TMCO6: variants seen among roughly 807,000 people sequenced by gnomAD.
The protein encoded by TMCO6 is transmembrane and coiled-coil domains 6.
In TMCO6, 47 loss-of-function variants were observed where a neutral mutation model predicts 61.8. That is an observed-to-expected ratio of 0.76 (90% CI 0.60 to 0.97). TMCO6 has a LOEUF of 0.97. Ranked by LOEUF, TMCO6 falls within the 50% of genes least tolerant of loss-of-function variation. The pLI, the probability that TMCO6 is intolerant of heterozygous loss-of-function variation, is 0.00. For synonymous variants in TMCO6, 261 were observed against 254.2 expected (o/e 1.03, Z -0.25); for missense variants, 557 against 601.6 (o/e 0.93, Z 0.78).
At chr5:140,630,462 T>C in the TMCO6 span, among the ~76,000 whole-genome samples, 1 of 152,146 alleles carries the variant, frequency 6.6e-6, no homozygotes. Flanking sequence ...TAAAAAACTA[T>C]CTTTTATGTG....
the TMCO6 span, among the ~76,000 whole-genome samples, chr5:140,602,685 A>C: frequency 2.0e-5 from 3 of 151,946 alleles, no homozygotes; most frequent in East Asian, 5.8e-4. Flanking sequence ...AATCGCTTGA[A>C]CCTGGGAGGT....
the TMCO6 span, among the ~76,000 whole-genome samples, chr5:140,629,598 GA>G: frequency 6.6e-6 from 1 of 152,106 alleles, no homozygotes; most frequent in Non-Finnish European, 1.5e-5. Flanking sequence ...TCCAAAATCT[GA>G]AAAAATCCAA....
chr5:140,638,565 CTTTTT>C (rs112303526), upstream of TMCO6, among the ~76,000 whole-genome samples: 4 of 89,250 alleles, frequency 4.5e-5, no homozygotes, highest in African/African-American at 1.5e-4. Flanking sequence ...TTCTTTCTTT[CTTTTT>C]TTTTTTTTTG....
the TMCO6 span, chr5:140,633,205 G>A: frequency 1.3e-5 from 14 of 1,115,582 alleles, no homozygotes; most frequent in Admixed American, 2.8e-4. Context: ...GACAGTTTAT[G>A]TAATCCTGGG....
Position 140,643,663 on chromosome 5 carries a change from A to G in TMCO6, c.906A>G (p.Ala302=), listed in dbSNP as rs774743421. ...LAGAVQKTED[A]GLELLACPVL... The stretch of plus-strand genomic sequence containing the variant: ...GGGCTGTCCAGAAAACCGAGGATGC[A>G]GGACTGGAGCTGGTAGGTGAAGATG... The change falls in exon 8 of 12, where the codon GCA becomes GCG. Residue 302 remains alanine, a synonymous_variant. Transcript: ENST00000394671. The G allele has an allele frequency of 4.3e-6, 7 of 1,612,456 alleles. No individual in the cohort carries two copies. In the African/African-American group the frequency reaches 5.3e-5, roughly 12 times the overall value.
At chr5:140,637,760 A>G (rs1354919430), upstream of TMCO6, among the ~76,000 whole-genome samples, 1 of 152,282 alleles carries the variant, frequency 6.6e-6, no homozygotes, top group East Asian at 1.9e-4. Context: ...CTTAACCCAG[A>G]CATTCCTTTC....
the TMCO6 span, chr5:140,609,442 A>ATTTTTTTTTTTTTTTTTTTTTTTTTTTT: frequency 5.4e-6 from 1 of 185,254 alleles, no homozygotes; most frequent in African/African-American, 2.4e-5. Context: ...TCTTTATTTT[A>ATTTTTTTTTTTTTTTTTTTTTTTTTTTT]TTATGGAACT....
the TMCO6 span, among the ~76,000 whole-genome samples, chr5:140,624,448 G>A: frequency 0.32 from 48,908 of 151,908 alleles, 8,304 homozygotes; most frequent in African/African-American, 0.43. Context: ...AACTATAACC[G>A]CGCTTTAATT....
At chr5:140,602,706 G>A in the TMCO6 span, among the ~76,000 whole-genome samples, 2 of 151,938 alleles carry the variant, frequency 1.3e-5, no homozygotes, top group African/African-American at 4.8e-5. Context: ...GGAGGTTACG[G>A]TGAGCCAACA....
chr5:140,645,696 G>GGT (rs1314956724), downstream of TMCO6: 2 of 1,613,974 alleles, frequency 1.2e-6, no homozygotes, highest in African/African-American at 1.3e-5. Flanking sequence ...GAGAGAGGGA[G>GGT]GTGTCTTTAA....
At chr5:140,600,770 G>A in the TMCO6 span, among the ~76,000 whole-genome samples, 1 of 152,052 alleles carries the variant, frequency 6.6e-6, no homozygotes, top group Non-Finnish European at 1.5e-5. Flanking sequence ...GGCCCCAAAG[G>A]GTGAATTTAT....
downstream of TMCO6, chr5:140,647,213 G>T (rs1216715700): frequency 6.6e-7 from 1 of 1,518,240 alleles, no homozygotes. Flanking sequence ...TCAAACCCTT[G>T]TTCCCCTACC....
chr5:140,643,761 C>T lies in TMCO6; in HGVS notation c.919-19C>T. On this transcript the variant is annotated intron_variant, in intron 8 of 11. Coordinates refer to ENST00000394671, the MANE Select transcript of TMCO6 (RefSeq NM_018502.5). ...AACCTCTTCCTTCTTACACCTGACC[C>T]CCCAATTTGTCTTTGCAGCTGGCAT... 6.2e-7 allele frequency: 1 copy of T among 1,611,762 alleles called. No homozygotes were observed. Among genetic ancestry groups the T allele is most frequent in the Non-Finnish European group, 8.5e-7 (1 of 1,178,180 alleles).
the TMCO6 span, among the ~76,000 whole-genome samples, chr5:140,612,032 G>A: frequency 6.6e-6 from 1 of 152,142 alleles, no homozygotes; most frequent in African/African-American, 2.4e-5. Flanking sequence ...CAAAACTCTT[G>A]ACTTAGTGTA....
the TMCO6 span, among the ~76,000 whole-genome samples, chr5:140,602,769 C>T: frequency 3.3e-5 from 5 of 150,372 alleles, no homozygotes; most frequent in Non-Finnish European, 5.9e-5. Flanking sequence ...GTCTCTCTCA[C>T]ACACACACAC....
At chr5:140,632,529 A>T in the TMCO6 span, 3 of 1,614,190 alleles carry the variant, frequency 1.9e-6, no homozygotes, top group East Asian at 4.5e-5. This position sits in a 1 kb window ranked among gnomAD's most constrained non-coding sequence, Gnocchi z 6.2. Flanking sequence ...CGCCCACGAC[A>T]CGTTGCGTAG....
chr5:140,639,550 G>A lies in TMCO6; in HGVS notation c.23G>A (p.Arg8His). The change falls in exon 1 of 12, where the codon CGC (arginine) becomes CAC (histidine). Residue 8 changes from arginine (R) to histidine (H), a missense_variant. Transcript: ENST00000394671. Reference sequence around the variant, plus strand: ...ACCATGTGGAGCCGACGGCAGGGCCGCCTCAGGCCCACGGTCTGCGGGGTG... The same window carrying A: ...ACCATGTGGAGCCGACGGCAGGGCCACCTCAGGCCCACGGTCTGCGGGGTG... MWSRRQG[R>H]LRPTVCGVEE... is the part of the protein sequence containing the mutation. The A allele has an allele frequency of 1.3e-6, 2 of 1,549,694 alleles. No homozygotes were observed. Among genetic ancestry groups the A allele is most frequent in the East Asian group, 2.4e-5 (1 of 40,896 alleles).
the TMCO6 span, among the ~76,000 whole-genome samples, chr5:140,597,468 T>C: frequency 1.3e-5 from 2 of 152,210 alleles, no homozygotes; most frequent in African/African-American, 4.8e-5. Context: ...CTCAGCAAAA[T>C]ATGGCTTCAT....
In TMCO6 at chr5:140,643,772, C is replaced by T; in HGVS notation, c.919-8C>T. The T allele has an allele frequency of 1.2e-6, 2 of 1,612,678 alleles. No homozygotes were observed. Among genetic ancestry groups the T allele is most frequent in the Non-Finnish European group, 1.7e-6 (2 of 1,178,840 alleles). On this transcript the variant is annotated splice_polypyrimidine_tract_variant and splice_region_variant and intron_variant, in intron 8 of 11. Coordinates refer to ENST00000394671, the MANE Select transcript of TMCO6 (RefSeq NM_018502.5). ...TCTTACACCTGACCCCCCAATTTGT[C>T]TTTGCAGCTGGCATGCCCCGTGCTT...
Sources: allele counts gnomAD v4.1 joint callset (sites outside exome capture counted in the v4.1 genomes callset), GRCh38; gene constraint gnomAD v4.1.1; non-coding constraint Gnocchi (gnomAD v3.1); transcripts MANE v1.5; gene names NCBI Gene and HGNC (gene_info 2026-07-23, HGNC 2026-07-21).